The following EXOSC10 variants were observed in gnomAD, a reference collection of about 807,000 sequenced individuals.
EXOSC10 encodes exosome complex component 10.
A neutral mutation model predicts 126.6 loss-of-function variants in EXOSC10; 94 were observed. That is an observed-to-expected ratio of 0.74 (90% confidence interval 0.63 to 0.88). EXOSC10 has a LOEUF of 0.88. EXOSC10 is among the 40% of genes least tolerant of loss of function. The pLI is 0.00. For missense variants in EXOSC10, 1,041 were observed against 1,100.5 expected (o/e 0.95, Z 0.77); for synonymous variants, 395 against 400.8 (o/e 0.99, Z 0.17).
At chr1:11,099,307 G>A (rs1241982217) in intron 1 of EXOSC10, among the ~76,000 whole-genome samples, 1 of 152,250 alleles carries the variant, frequency 6.6e-6, no homozygotes, top group Non-Finnish European at 1.5e-5. Context: ...TTCAGAAACA[G>A]AGGAAGAGAA....
intron 14 of EXOSC10, 121 bp downstream of exon 14, chr1:11,079,590 C>T (rs1373982256): frequency 1.4e-6 from 1 of 733,148 alleles, no homozygotes; most frequent in Admixed American, 2.3e-5. Flanking sequence ...GACGGGGTTT[C>T]ACCATGTTGG....
chr1:11,070,763 C>T, intron 21 of EXOSC10, 137 bp downstream of exon 21: 1 of 726,498 alleles, frequency 1.4e-6, no homozygotes, highest in Middle Eastern at 2.5e-4. Flanking sequence ...CACTAATAGC[C>T]AAGCTAAGGT....
At chr1:11,067,674 T>G (rs1361071212) in intron 24 of EXOSC10, among the ~76,000 whole-genome samples, 1 of 152,148 alleles carries the variant, frequency 6.6e-6, no homozygotes, top group Non-Finnish European at 1.5e-5. Context: ...TTTTTCCTCA[T>G]TCCTAATAGG....
chr1:11,088,177 A>T lies in EXOSC10; in HGVS notation c.780T>A (p.Tyr260Ter), dbSNP rs143685813. Residue 260 changes from tyrosine to a stop codon, truncating the protein, a stop_gained, in exon 7 of 25, where the codon TAT (tyrosine) becomes TAA (stop). Coordinates refer to ENST00000376936, the MANE Select transcript of EXOSC10 (RefSeq NM_001001998.3). LOFTEE classifies it high-confidence loss of function. ...EQDMFAHPYQ[Y>*]ELNHFTPADA... Reference sequence around the variant, plus strand: ...CTGCTGGGGTAAAGTGATTTAGTTCATATTGATAAGGATGTGCAAACCTGA... The same window carrying T: ...CTGCTGGGGTAAAGTGATTTAGTTCTTATTGATAAGGATGTGCAAACCTGA... 2.7e-5 allele frequency: 43 copies of T among 1,613,002 alleles called. No homozygotes were observed. The highest frequency in any genetic ancestry group is 4.4e-5 in the South Asian group (4 of 90,844).
Position 11,091,138 on chromosome 1 carries a change from C to A in EXOSC10, c.519G>T (p.Arg173=). 1 of 1,614,118 alleles carries A rather than the reference C, an allele frequency of 6.2e-7. No homozygotes were observed. The highest frequency in any genetic ancestry group is 8.5e-7 in the Non-Finnish European group (1 of 1,180,016). ...YGKKAKSETF[R]LLHAKNIIRP... is the part of the protein sequence containing the mutation. ...GGATGATATTTTTTGCATGAAGCAG[C>A]CGGAAAGTTTCAGATTTTGCTTTTT... Residue 173 remains arginine, a synonymous_variant, in exon 5 of 25, where the codon CGG becomes CGT. Transcript: ENST00000376936.
Position 11,091,057 on chromosome 1 carries a change from A to G in EXOSC10, c.600T>C (p.Pro200=), listed in dbSNP as rs777207299. 6.2e-7 allele frequency: 1 copy of G among 1,614,228 alleles called. No homozygotes were observed. The highest frequency in any genetic ancestry group is 8.5e-7 in the Non-Finnish European group (1 of 1,180,038). The change falls in exon 5 of 25, where the codon CCT becomes CCC. Residue 200 remains proline, a synonymous_variant. Coordinates refer to ENST00000376936, the MANE Select transcript of EXOSC10 (RefSeq NM_001001998.3). ...KIDNSNTPFL[P]KIFIKPNAQK... ...GAGCATTGGGTTTGATGAAGATTTT[A>G]GGAAGAAATGGTGTGTTGGAATTGT...
intron 9 of EXOSC10, among the ~76,000 whole-genome samples, chr1:11,083,138 G>T (rs969607220): frequency 6.6e-6 from 1 of 152,092 alleles, no homozygotes; most frequent in Non-Finnish European, 1.5e-5. Flanking sequence ...TTGTAGAGAC[G>T]GGGTTTCACT....
At chr1:11,096,614 C>T (rs1303809434) in intron 2 of EXOSC10, among the ~76,000 whole-genome samples, 3 of 150,894 alleles carry the variant, frequency 2.0e-5, no homozygotes, top group Non-Finnish European at 4.4e-5. Context: ...GTAGCTGTGA[C>T]TTGGGAGTGG....
chr1:11,067,973 G>A (rs370467780), intron 24 of EXOSC10, 35 bp downstream of exon 24: 5 of 1,597,086 alleles, frequency 3.1e-6, no homozygotes, highest in East Asian at 4.5e-5. Flanking sequence ...CTTTCTCACT[G>A]GGCTCCCTGG....
At chr1:11,078,264 C>CTTTTTTTTTTTTTT (rs1220119181) in intron 14 of EXOSC10, among the ~76,000 whole-genome samples, 4 of 143,664 alleles carry the variant, frequency 2.8e-5, no homozygotes, top group African/African-American at 7.8e-5. Context: ...GACCCTGTTT[C>CTTTTTTTTTTTTTT]TTTTTTTTTT....
rs58667041 is a variant in EXOSC10 at position 11,075,853 on chromosome 1, C to CAAAAAAAA, written c.1986+981_1986+988dup. Reference sequence around the variant, plus strand: ...TGGGTGACAGGATGAGATCCTGTCACAAAAAAAAAAAAAAAAAAAAAAAAA... The same window carrying CAAAAAAAA: ...TGGGTGACAGGATGAGATCCTGTCACAAAAAAAAAAAAAAAAAAAAAAAAAAAAAAAAA... On this transcript the variant is annotated intron_variant, in intron 17 of 24. Transcript: ENST00000376936. 2.6e-4 allele frequency among the ~76,000 whole-genome samples: 9 copies of CAAAAAAAA among 35,140 alleles called. 1 individual carries two copies. The highest frequency in any genetic ancestry group is 1.0e-3 in the African/African-American group (8 of 7,666). The allele number at this position is 35,140 out of a possible 152,430, so 23.1% of individuals were successfully genotyped here.
In EXOSC10 at chr1:11,074,171, G is replaced by T. The variant is rs866325317; in HGVS notation, c.2082+60C>A. 7 of 1,462,094 alleles carry T rather than the reference G, an allele frequency of 4.8e-6. No homozygotes were observed. The Middle Eastern group carries it at 1.0e-3, about 218-fold the overall frequency. 90.6% of individuals were successfully genotyped at this position (1,462,094 alleles called of 1,614,324 possible). The stretch of plus-strand genomic sequence containing the variant: ...TCAGAGGCTTCCTTCCCAGGTAAAA[G>T]CATGTACAGCTGTAGGCATCTCTGC... On this transcript the variant is annotated intron_variant, in intron 18 of 24. Coordinates refer to ENST00000376936, the MANE Select transcript of EXOSC10 (RefSeq NM_001001998.3).
chr1:11,092,666 C>T (rs1371237549), intron 3 of EXOSC10, among the ~76,000 whole-genome samples: 6 of 150,938 alleles, frequency 4.0e-5, no homozygotes, highest in African/African-American at 9.7e-5. Flanking sequence ...TACAGGTGCA[C>T]GCCACCACGC....
chr1:11,089,621 CA>C (rs1228653546), intron 6 of EXOSC10, among the ~76,000 whole-genome samples: 1,282 of 98,188 alleles, frequency 0.013, 10 homozygotes, highest in African/African-American at 0.035. Flanking sequence ...AACTCCGTCC[CA>C]AAAAAAAAAA....
intron 1 of EXOSC10, among the ~76,000 whole-genome samples, chr1:11,098,470 T>C (rs942958002): frequency 3.3e-5 from 5 of 152,354 alleles, no homozygotes; most frequent in East Asian, 1.9e-4. Flanking sequence ...AAGTGATTGC[T>C]TTATTTGGAC....
intron 17 of EXOSC10, among the ~76,000 whole-genome samples, chr1:11,076,152 C>T (rs564956524): frequency 1.2e-4 from 18 of 151,656 alleles, no homozygotes; most frequent in Admixed American, 8.6e-4. Context: ...GCAACAAGAG[C>T]GAAACTCCAT....
Position 11,076,912 on chromosome 1 carries a change from G to A in EXOSC10, c.1916C>T (p.Pro639Leu), listed in dbSNP as rs1249342540. ...CAGCAAGTTATCTTCTTTTTCATCA[G>A]GGAAGAGGCTCGCCTGCTTCTGAAC... The part of the protein sequence containing the change: ...VPVQKQASLF[P>L]DEKEDNLLGT... Residue 639 changes from proline (P) to leucine (L), a missense_variant, in exon 17 of 25, where the codon CCT (proline) becomes CTT (leucine). This residue lies in a region of EXOSC10 where 388 missense variants were observed against 415.2 expected (regional missense o/e 0.93). Coordinates refer to ENST00000376936, the MANE Select transcript of EXOSC10 (RefSeq NM_001001998.3). The A allele has an allele frequency of 6.2e-7, 1 of 1,613,844 alleles. No individual in the cohort carries two copies. The highest frequency in any genetic ancestry group is 1.3e-5 in the African/African-American group (1 of 74,942).
In EXOSC10 at chr1:11,073,877, CAAAAAAA is replaced by C. The variant is rs770965502; in HGVS notation, c.2157+50_2157+56del. ...TGGGTGACAAAGCGAGACTCCATCT[CAAAAAAA>C]AAAAAAAAAAAAAAAAGTCTCTTTT... On this transcript the variant is annotated intron_variant, in intron 19 of 24. Transcript: ENST00000376936. The C allele has an allele frequency of 5.8e-5, 31 of 539,028 alleles. 1 individual carries two copies. The highest frequency in any genetic ancestry group is 1.2e-4 in the African/African-American group (3 of 24,306). The allele number at this position is 539,028 out of a possible 1,614,324, so 33.4% of individuals were successfully genotyped here.
intron 2 of EXOSC10, among the ~76,000 whole-genome samples, chr1:11,097,569 ACAAAAAATTAG>A (rs1483855848): frequency 1.3e-5 from 2 of 151,434 alleles, no homozygotes; most frequent in Non-Finnish European, 2.9e-5. Flanking sequence ...TACTAAAAAT[ACAAAAAATTAG>A]CTGGGCGTGT....
Sources: allele counts gnomAD v4.1 joint callset (sites outside exome capture counted in the v4.1 genomes callset), GRCh38; gene constraint gnomAD v4.1.1; regional missense constraint gnomAD v4.1.1; transcripts MANE v1.5; gene names NCBI Gene and HGNC (gene_info 2026-07-23, HGNC 2026-07-21).